The following LRRFIP2 variants were observed in gnomAD, a reference collection of about 807,000 sequenced individuals.
LRRFIP2 encodes leucine-rich repeat flightless-interacting protein 2.
A neutral mutation model predicts 125.9 loss-of-function variants in LRRFIP2; 109 were observed. The ratio of observed to expected loss-of-function variants is 0.87; its 90% CI spans 0.74 to 1.01. LRRFIP2 has a LOEUF of 1.01. Ranked by LOEUF, LRRFIP2 falls within the 50% of genes least tolerant of loss-of-function variation. The pLI is 0.00. For missense variants in LRRFIP2, 850 were observed against 862.3 expected, an observed-to-expected ratio of 0.99 and a Z score of 0.18; for synonymous variants, 291 against 293.1, an observed-to-expected ratio of 0.99 and a Z score of 0.07.
At chr3:37,159,989 C>CAAAAAA (rs58005486) in intron 1 of LRRFIP2, among the ~76,000 whole-genome samples, 6 of 46,950 alleles carry the variant, frequency 1.3e-4, no homozygotes, top group East Asian at 1.5e-3. Flanking sequence ...GCCCTATGCG[C>CAAAAAA]AAAAAAAAAA....
chr3:37,054,391 A>C lies in LRRFIP2; in HGVS notation c.2055+20T>G. 6.4e-7 allele frequency: 1 copy of C among 1,573,282 alleles called. No homozygotes were observed. The highest frequency in any genetic ancestry group is 1.1e-5 in the South Asian group (1 of 89,400). On this transcript the variant is annotated intron_variant, in intron 27 of 27. Coordinates refer to ENST00000336686, the MANE Select transcript of LRRFIP2 (RefSeq NM_006309.4). ...TCTTTTTAGGAATGTATTCTCCAAG[A>C]AACATATTAAAAGAAGTACCTCTCG...
chr3:37,062,510 A>G (rs1352078070), intron 24 of LRRFIP2, among the ~76,000 whole-genome samples: 1 of 152,224 alleles, frequency 6.6e-6, no homozygotes, highest in Non-Finnish European at 1.5e-5. Context: ...GAAAACTTCA[A>G]ATCACATGAC....
intron 17 of LRRFIP2, chr3:37,093,303 G>C (rs2093561330): frequency 6.5e-6 from 1 of 152,720 alleles, no homozygotes; most frequent in Non-Finnish European, 1.5e-5. Flanking sequence ...CTCCAGTCCA[G>C]GCAAGCTCAT....
In LRRFIP2 at chr3:37,072,907, G is replaced by C. The variant is rs1576090446; in HGVS notation, c.1372-25C>G. ...CCTGCAGAGGAAGAGGGGAAGAGAA[G>C]TAATAAAAGAGCAGAAAGAAAAGGG... On this transcript the variant is annotated intron_variant, in intron 20 of 27. Transcript: ENST00000336686. 1.4e-6 allele frequency: 2 copies of C among 1,471,192 alleles called. No homozygotes were observed. Among genetic ancestry groups the C allele is most frequent in the African/African-American group, 2.8e-5 (2 of 71,396 alleles). The allele number at this position is 1,471,192 out of a possible 1,614,324, so 91.1% of individuals were successfully genotyped here.
intron 1 of LRRFIP2, among the ~76,000 whole-genome samples, chr3:37,161,523 A>G (rs1236710829): frequency 6.6e-6 from 1 of 152,214 alleles, no homozygotes. Flanking sequence ...GACAGAAAGT[A>G]TAACAGACTA....
chr3:37,076,566 C>A, intron 19 of LRRFIP2, among the ~76,000 whole-genome samples: 1 of 151,264 alleles, frequency 6.6e-6, no homozygotes, highest in East Asian at 2.0e-4. Flanking sequence ...TTTTGAATGG[C>A]AGAGAATCTC....
intron 1 of LRRFIP2, among the ~76,000 whole-genome samples, chr3:37,150,215 C>T (rs2095982111): frequency 6.6e-6 from 1 of 152,154 alleles, no homozygotes; most frequent in African/African-American, 2.4e-5. Flanking sequence ...GTAATCCCAG[C>T]ACTTTGGAAG....
At position 37,124,949 on chromosome 3, in the gene LRRFIP2, C is replaced by T. The variant is rs574057054; in HGVS notation, c.228+2681G>A. Among the ~76,000 whole-genome samples the T allele has an allele frequency of 3.9e-5, 6 of 152,124 alleles. No homozygotes were observed. The South Asian group carries it at 1.0e-3, about 26-fold the overall frequency. ...CTTAGGTGCCAGTTACAAGGTGTAT[C>T]CCTCTATTCCACAGTGAGGAAAATA... On this transcript the variant is annotated intron_variant, in intron 4 of 27. Transcript: ENST00000336686.
At chr3:37,102,888 G>A in intron 15 of LRRFIP2, 36 bp downstream of exon 15, 1 of 1,375,822 alleles carries the variant, frequency 7.3e-7, no homozygotes, top group Non-Finnish European at 1.0e-6. Context: ...ACAAGCCTGG[G>A]ACAACATAAC....
In LRRFIP2 at chr3:37,112,968, T is replaced by C. The variant is rs548423093; in HGVS notation, c.385A>G (p.Ser129Gly). The C allele has an allele frequency of 1.2e-4, 187 of 1,575,474 alleles. 3 individuals carry two copies. In the East Asian group the frequency reaches 2.2e-3, roughly 19 times the overall value. Reference protein sequence around the residue: ...SRLSSLNHSYSHSHGMKKRSS... With the variant: ...SRLSSLNHSYGHSHGMKKRSS... Reference sequence around the variant, plus strand: ...CTCTTCTTCATTCCATGAGAGTGACTGTAAGAATGATTCTGGAAGTAAATA... The same window carrying C: ...CTCTTCTTCATTCCATGAGAGTGACCGTAAGAATGATTCTGGAAGTAAATA... Residue 129 changes from serine to glycine, a missense_variant, in exon 8 of 28, where the codon AGT (serine) becomes GGT (glycine). By Grantham distance (56) the Ser-to-Gly change is moderately conservative (BLOSUM62 0). Coordinates refer to ENST00000336686, the MANE Select transcript of LRRFIP2 (RefSeq NM_006309.4).
chr3:37,063,944 A>T (rs1274910896), intron 23 of LRRFIP2, 153 bp from the exon 24 acceptor site: 1 of 610,454 alleles, frequency 1.6e-6, no homozygotes, highest in African/African-American at 1.9e-5. Context: ...TGTTAATAGC[A>T]TTACAGAAAA....
intron 2 of LRRFIP2, among the ~76,000 whole-genome samples, chr3:37,144,610 G>A (rs529977170): frequency 5.9e-5 from 9 of 152,196 alleles, no homozygotes; most frequent in African/African-American, 2.2e-4. Flanking sequence ...AGTAGTACAC[G>A]AAAACACACT....
intron 18 of LRRFIP2, among the ~76,000 whole-genome samples, chr3:37,090,832 T>A (rs1486803988): frequency 6.6e-6 from 1 of 152,202 alleles, no homozygotes; most frequent in Admixed American, 6.5e-5. Flanking sequence ...AATATAGGCC[T>A]CATGCCTTCA....
intron 1 of LRRFIP2, chr3:37,174,304 C>A (rs2096626835): frequency 6.6e-6 from 1 of 152,106 alleles, no homozygotes; most frequent in East Asian, 1.9e-4. Flanking sequence ...TTTTACTTAA[C>A]ATTTTTAAAG....
intron 21 of LRRFIP2, 118 bp from the exon 22 acceptor site, chr3:37,066,443 G>A (rs2090167310): frequency 1.3e-6 from 1 of 788,702 alleles, no homozygotes. Flanking sequence ...CAAGAAAGCA[G>A]TCAAAAGATT....
At chr3:37,078,898 T>C (rs1054034204) in intron 19 of LRRFIP2, among the ~76,000 whole-genome samples, 2 of 152,180 alleles carry the variant, frequency 1.3e-5, no homozygotes, top group African/African-American at 4.8e-5. Context: ...GGGACAATTT[T>C]ATCATCAAAA....
At chr3:37,102,312 A>T (rs1196794095) in intron 15 of LRRFIP2, among the ~76,000 whole-genome samples, 1 of 152,036 alleles carries the variant, frequency 6.6e-6, no homozygotes, top group African/African-American at 2.4e-5. Context: ...GAAAAAAAGG[A>T]GGGAAGGGGG....
rs1042320497 is a variant in LRRFIP2 at position 37,127,051 on chromosome 3, A to T, written c.228+579T>A. ...TTTAAGGCTTCATATCCCTCTCCCA[A>T]GCCTAGTCATATACCAAGTTAAGAA... On this transcript the variant is annotated intron_variant, in intron 4 of 27. Transcript: ENST00000336686. Among the ~76,000 whole-genome samples, 5 of 152,124 alleles carry T rather than the reference A, an allele frequency of 3.3e-5. 1 individual carries two copies. In the East Asian group the frequency reaches 9.6e-4, roughly 29 times the overall value.
intron 1 of LRRFIP2, among the ~76,000 whole-genome samples, chr3:37,161,938 T>G (rs1405668819): frequency 6.6e-6 from 1 of 151,632 alleles, no homozygotes; most frequent in Non-Finnish European, 1.5e-5. Context: ...ATCCCAACAT[T>G]TTGGGAGACC....
Sources: allele counts gnomAD v4.1 joint callset (sites outside exome capture counted in the v4.1 genomes callset), GRCh38; gene constraint gnomAD v4.1.1; transcripts MANE v1.5; gene names NCBI Gene and HGNC (gene_info 2026-07-23, HGNC 2026-07-21).